WWOX: variants seen among roughly 807,000 people sequenced by gnomAD.
WWOX encodes WW domain-containing oxidoreductase.
A neutral mutation model predicts 46.2 loss-of-function variants in WWOX; 69 were observed. The observed-to-expected ratio is 1.49, with a 90% confidence interval of 1.23 to 1.82. The LOEUF (loss-of-function observed/expected upper bound fraction) is 1.82, where lower values mean the gene tolerates loss of function less well. Ranked by LOEUF, WWOX falls within the 40% of genes most tolerant of loss-of-function variation. The pLI is 0.00. For missense variants in WWOX, 919 were observed against 542.6 expected, an observed-to-expected ratio of 1.69 and a Z score of -6.89; for synonymous variants, 359 against 202.6, an observed-to-expected ratio of 1.77 and a Z score of -6.56.
At chr16:79,193,287 C>G (rs774566358) in intron 8 of WWOX, among the ~76,000 whole-genome samples, 32 of 152,222 alleles carry the variant, frequency 2.1e-4, no homozygotes, top group Non-Finnish European at 3.5e-4. Flanking sequence ...GTAAGCACCT[C>G]TGAGGCTCAC....
intron 8 of WWOX, chr16:79,204,504 C>T (rs548518064): frequency 1.4e-4 from 21 of 152,284 alleles, no homozygotes; most frequent in African/African-American, 5.1e-4. Context: ...AATGTTACAA[C>T]TCGTCCCATT....
At chr16:78,440,778 C>G (rs1432399109) in intron 8 of WWOX, among the ~76,000 whole-genome samples, 1 of 151,850 alleles carries the variant, frequency 6.6e-6, no homozygotes, top group Admixed American at 6.6e-5. Flanking sequence ...GCCACCAAAC[C>G]CAGCTAATTT....
intron 8 of WWOX, among the ~76,000 whole-genome samples, chr16:79,163,178 A>G (rs564986298): frequency 6.6e-6 from 1 of 152,166 alleles, no homozygotes; most frequent in Non-Finnish European, 1.5e-5. Context: ...GACACTGTGT[A>G]TACAAACCTA....
chr16:79,010,500 G>T (rs1381231921), intron 8 of WWOX, among the ~76,000 whole-genome samples: 1 of 152,152 alleles, frequency 6.6e-6, no homozygotes, highest in African/African-American at 2.4e-5. Flanking sequence ...AGGCCCTGGG[G>T]ATCCCCCAGG....
chr16:78,430,556 A>G (rs779458987), intron 7 of WWOX, among the ~76,000 whole-genome samples: 1 of 152,108 alleles, frequency 6.6e-6, no homozygotes, highest in Non-Finnish European at 1.5e-5. Flanking sequence ...CATCCCTGCT[A>G]CCATCACCAG....
At chr16:78,754,788 C>T (rs183111842) in intron 8 of WWOX, among the ~76,000 whole-genome samples, 65 of 152,168 alleles carry the variant, frequency 4.3e-4, no homozygotes, top group African/African-American at 1.4e-3. Context: ...AATGAGATGA[C>T]CTCTAAGGCC....
chr16:78,423,855 AAAAATTAAATATATAC>A (rs2083010945), intron 6 of WWOX, among the ~76,000 whole-genome samples: 1 of 151,640 alleles, frequency 6.6e-6, no homozygotes, highest in Non-Finnish European at 1.5e-5. Flanking sequence ...AAAAAAAAAA[AAAAATTAAATATATAC>A]AAAATAAGGG....
At chr16:78,456,891 T>C (rs2083831850) in intron 8 of WWOX, among the ~76,000 whole-genome samples, 1 of 152,242 alleles carries the variant, frequency 6.6e-6, no homozygotes. Context: ...AACTATCAAA[T>C]TAGTTCACGT....
chr16:78,882,953 C>G (rs752150304), intron 8 of WWOX, among the ~76,000 whole-genome samples: 15 of 152,084 alleles, frequency 9.9e-5, no homozygotes, highest in Admixed American at 2.0e-4. Flanking sequence ...ATGTCGTAGG[C>G]TGAGGGAGAA....
intron 5 of WWOX, among the ~76,000 whole-genome samples, chr16:78,297,546 C>G (rs559391099): frequency 2.0e-5 from 3 of 152,288 alleles, no homozygotes; most frequent in African/African-American, 7.2e-5. Context: ...CTGCTGGAGT[C>G]TGACAAATTT....
intron 5 of WWOX, among the ~76,000 whole-genome samples, chr16:78,282,026 C>G (rs1288557479): frequency 2.6e-5 from 4 of 152,196 alleles, no homozygotes. Context: ...CCCCACTACC[C>G]TTGGCCCAAA....
chr16:78,417,544 A>G (rs773732541), intron 6 of WWOX, among the ~76,000 whole-genome samples: 2 of 152,234 alleles, frequency 1.3e-5, no homozygotes, highest in Non-Finnish European at 2.9e-5. Context: ...TAGCCCTGGA[A>G]AAGTGAGCAA....
chr16:78,322,539 A>T (rs9940424), intron 5 of WWOX, among the ~76,000 whole-genome samples: 2 of 152,152 alleles, frequency 1.3e-5, no homozygotes, highest in African/African-American at 4.8e-5. Context: ...TTCACAGATG[A>T]AGTAACTTGC....
At chr16:78,676,234 A>G (rs1597430900) in intron 8 of WWOX, among the ~76,000 whole-genome samples, 1 of 151,660 alleles carries the variant, frequency 6.6e-6, no homozygotes, top group South Asian at 2.1e-4. Context: ...AAGAAGCGGG[A>G]TGCTCTCTAC....
rs192313898 is a variant in WWOX at position 78,349,108 on chromosome 16, T to C, written c.517-37752T>C. On this transcript the variant is annotated intron_variant, in intron 5 of 8. Coordinates refer to ENST00000566780, the MANE Select transcript of WWOX (RefSeq NM_016373.4). ...AAGGTCAAGGTTCCGGCACAGTTGA[T>C]GTCTTCTGAGGTCTACCTCGTCTGC... is the stretch of plus-strand genomic sequence containing the variant. Among the ~76,000 whole-genome samples, 87 of 120,420 alleles carry C rather than the reference T, an allele frequency of 7.2e-4. 20 individuals are homozygous for C. Among genetic ancestry groups the C allele is most frequent in the African/African-American group, 2.2e-3 (79 of 35,490 alleles). The allele number at this position is 120,420 out of a possible 152,430, so 79.0% of individuals were successfully genotyped here.
At chr16:78,197,875 T>C (rs544428642) in intron 5 of WWOX, among the ~76,000 whole-genome samples, 1 of 152,306 alleles carries the variant, frequency 6.6e-6, no homozygotes, top group South Asian at 2.1e-4. Flanking sequence ...CCCCATATGT[T>C]TTAACTGCTC....
chr16:79,012,135 T>C (rs2047323032), intron 8 of WWOX, among the ~76,000 whole-genome samples: 1 of 152,180 alleles, frequency 6.6e-6, no homozygotes, highest in African/African-American at 2.4e-5. Flanking sequence ...CCAATAGAAC[T>C]TTCTGCAGTG....
Position 78,769,002 on chromosome 16 carries a change from C to A in WWOX, c.1056+336250C>A, listed in dbSNP as rs74033569. Among the ~76,000 whole-genome samples, 140 of 152,226 alleles carry A rather than the reference C, an allele frequency of 9.2e-4. 1 individual carries two copies. Among genetic ancestry groups the A allele is most frequent in the African/African-American group, 3.0e-3 (124 of 41,548 alleles). The stretch of plus-strand genomic sequence containing the variant: ...GAAGGTGTGGTTCAAAGATGCTTTC[C>A]TTTTTCAGTCTCTGGTCAATTTGTT... On this transcript the variant is annotated intron_variant, in intron 8 of 8. Coordinates refer to ENST00000566780, the MANE Select transcript of WWOX (RefSeq NM_016373.4).
chr16:78,889,244 A>T (rs1387612606), intron 8 of WWOX, among the ~76,000 whole-genome samples: 1 of 151,928 alleles, frequency 6.6e-6, no homozygotes, highest in Non-Finnish European at 1.5e-5. Context: ...ATACAGCTCC[A>T]CTCATTCATT....
Sources: allele counts gnomAD v4.1 joint callset (sites outside exome capture counted in the v4.1 genomes callset), GRCh38; gene constraint gnomAD v4.1.1; transcripts MANE v1.5; gene names NCBI Gene and HGNC (gene_info 2026-07-23, HGNC 2026-07-21).